YY1: variants seen among roughly 807,000 people sequenced by gnomAD.
YY1 encodes YY1 transcription factor.
Under a neutral mutation model 35.6 loss-of-function variants are expected in YY1, and 2 were observed. The observed-to-expected ratio is 0.06, with a 90% CI of 0.02 to 0.18. The LOEUF (loss-of-function observed/expected upper bound fraction) is 0.18. Ranked by LOEUF, YY1 falls within the 10% of genes least tolerant of loss-of-function variation. The pLI is 1.00. For missense variants in YY1, 322 were observed against 573.4 expected, an observed-to-expected ratio of 0.56 and a Z score of 4.48; for synonymous variants, 268 against 238.9, an observed-to-expected ratio of 1.12 and a Z score of -1.12.
At chr14:100,240,121 G>C (rs966002795) in intron 1 of YY1, among the ~76,000 whole-genome samples, 198 bp downstream of exon 1, 4 of 146,256 alleles carry the variant, frequency 2.7e-5, no homozygotes, top group Admixed American at 2.0e-4. Flanking sequence ...GGCCGCGGGG[G>C]GGAGGGGCCG....
In YY1 at chr14:100,277,041, A is replaced by G; in HGVS notation, c.1063-377A>G. On this transcript the variant is annotated intron_variant, in intron 4 of 4. Transcript: ENST00000262238. This position sits in a 1 kb window ranked among gnomAD's most constrained non-coding sequence, Gnocchi z 5.6. Reference sequence around the variant, plus strand: ...GTAAGTATAGGTAATACTTTAGCCCATAAATAAGTGAAAGAACTAGCAGTG... The same window carrying G: ...GTAAGTATAGGTAATACTTTAGCCCGTAAATAAGTGAAAGAACTAGCAGTG... The G allele has an allele frequency of 2.4e-6, 1 of 413,972 alleles. No homozygotes were observed. The highest frequency in any genetic ancestry group is 4.5e-6 in the Non-Finnish European group (1 of 224,360). The allele number at this position is 413,972 out of a possible 1,614,324, so 25.6% of individuals were successfully genotyped here. A position where few individuals can be genotyped will look rare whatever the true frequency, so the allele number is the denominator to read the frequency against.
chr14:100,249,340 T>G (rs1348132749), intron 1 of YY1, among the ~76,000 whole-genome samples: 1 of 151,840 alleles, frequency 6.6e-6, no homozygotes, highest in Non-Finnish European at 1.5e-5. Flanking sequence ...AGGCTGGTCT[T>G]GAACTCCTGA....
At position 100,262,352 on chromosome 14, in the gene YY1, T is replaced by C. The variant is rs1388728040; in HGVS notation, c.728T>C (p.Ile243Thr). 3.1e-6 allele frequency: 5 copies of C among 1,614,072 alleles called. No homozygotes were observed. Among genetic ancestry groups the C allele is most frequent in the East Asian group, 2.2e-5 (1 of 44,884 alleles). ...GAGACAGTGGTTGAAGAACAGATCA[T>C]TGGAGAGAACTCACCTCCTGATTAT... The part of the protein sequence containing the change: ...DHETVVEEQI[I>T]GENSPPDYSE... Residue 243 changes from isoleucine (I) to threonine (T), a missense_variant, in exon 2 of 5, where the codon ATT becomes ACT. Ile to Thr is a moderately conservative substitution (Grantham distance 89). Coordinates refer to ENST00000262238, the MANE Select transcript of YY1 (RefSeq NM_003403.5).
intron 1 of YY1, among the ~76,000 whole-genome samples, chr14:100,255,997 C>A (rs1891000351): frequency 6.6e-6 from 1 of 152,134 alleles, no homozygotes; most frequent in Non-Finnish European, 1.5e-5. Flanking sequence ...CTGAGTCAGG[C>A]ATGGTATTGT....
At chr14:100,241,978 A>AGGGGG (rs5810986) in intron 1 of YY1, among the ~76,000 whole-genome samples, 7 of 87,886 alleles carry the variant, frequency 8.0e-5, no homozygotes, top group African/African-American at 1.3e-4. Context: ...CTGTCTCAAA[A>AGGGGG]GGGGGGGGGG....
intron 1 of YY1, among the ~76,000 whole-genome samples, chr14:100,241,324 G>A (rs561739646): frequency 6.6e-6 from 1 of 152,294 alleles, no homozygotes; most frequent in African/African-American, 2.4e-5. Context: ...TGACCTTTGA[G>A]TATTAAAAGA....
At chr14:100,259,962 A>G (rs535093722) in intron 1 of YY1, among the ~76,000 whole-genome samples, 1 of 152,368 alleles carries the variant, frequency 6.6e-6, no homozygotes, top group African/African-American at 2.4e-5. Flanking sequence ...TATCCTTTGC[A>G]GTATCACTAG....
intron 2 of YY1, among the ~76,000 whole-genome samples, chr14:100,267,649 G>A (rs897811215): frequency 1.3e-5 from 2 of 151,776 alleles, no homozygotes; most frequent in Non-Finnish European, 1.5e-5. Flanking sequence ...TCAGCCTTCC[G>A]AGTAGCTGGG....
intron 2 of YY1, among the ~76,000 whole-genome samples, chr14:100,271,507 G>C (rs1218902738): frequency 2.0e-5 from 3 of 152,182 alleles, no homozygotes; most frequent in Non-Finnish European, 4.4e-5. Flanking sequence ...ATTACAGGTT[G>C]AGCATCCTTT....
Position 100,262,281 on chromosome 14 carries a change from G to A in YY1, c.680-23G>A, listed in dbSNP as rs188019878. The A allele has an allele frequency of 1.8e-3, 2,891 of 1,612,556 alleles. 1 individual carries two copies. Among genetic ancestry groups the A allele is most frequent in the Non-Finnish European group, 1.9e-3 (2,190 of 1,179,742 alleles). On this transcript the variant is annotated intron_variant, in intron 1 of 4. Coordinates refer to ENST00000262238, the MANE Select transcript of YY1 (RefSeq NM_003403.5). The stretch of plus-strand genomic sequence containing the variant: ...TTTAAAATCTATTTACTCAGCTAAA[G>A]ATAATCTCATGATGTGTTTCAGATG...
At chr14:100,251,437 C>G (rs1425877084) in intron 1 of YY1, among the ~76,000 whole-genome samples, 1 of 152,244 alleles carries the variant, frequency 6.6e-6, no homozygotes, top group Non-Finnish European at 1.5e-5. Context: ...CACTGCTGGC[C>G]TCTAGAACTA....
chr14:100,265,914 T>A (rs966310502), intron 2 of YY1, among the ~76,000 whole-genome samples: 1 of 152,178 alleles, frequency 6.6e-6, no homozygotes, highest in South Asian at 2.1e-4. Context: ...CCCAAAGGGC[T>A]GGGATTACAG....
intron 1 of YY1, among the ~76,000 whole-genome samples, chr14:100,244,065 G>A (rs778188025): frequency 6.7e-6 from 1 of 149,172 alleles, no homozygotes; most frequent in Non-Finnish European, 1.5e-5. Flanking sequence ...CCGAGATAGC[G>A]CCACTGCACT....
chr14:100,271,267 A>T (rs151187599), intron 2 of YY1, among the ~76,000 whole-genome samples: 5,148 of 152,264 alleles, frequency 0.034, 134 homozygotes, highest in Non-Finnish European at 0.051. Flanking sequence ...TAAATTAATT[A>T]AATTAAATTA....
intron 1 of YY1, among the ~76,000 whole-genome samples, chr14:100,251,515 A>G (rs960775154): frequency 6.6e-6 from 1 of 152,232 alleles, no homozygotes; most frequent in Admixed American, 6.5e-5. Flanking sequence ...GGTAATAGGA[A>G]ACTAATACAT....
At chr14:100,262,590 C>G in intron 2 of YY1, 124 bp downstream of exon 2, 5 of 1,051,154 alleles carry the variant, frequency 4.8e-6, no homozygotes, top group Non-Finnish European at 7.1e-6. Flanking sequence ...TTCCTGAAAA[C>G]AAAAGCAGTC....
intron 2 of YY1, among the ~76,000 whole-genome samples, chr14:100,267,988 G>C (rs903669206): frequency 6.6e-6 from 1 of 152,212 alleles, no homozygotes. Context: ...CTCAGGAATT[G>C]ATGCCCGGGA....
At chr14:100,267,704 A>G (rs1891175628) in intron 2 of YY1, among the ~76,000 whole-genome samples, 1 of 151,966 alleles carries the variant, frequency 6.6e-6, no homozygotes, top group Non-Finnish European at 1.5e-5. Flanking sequence ...TTGTATTTTT[A>G]GTAGAGACAG....
chr14:100,259,608 A>G (rs999355851), intron 1 of YY1, among the ~76,000 whole-genome samples: 1 of 152,188 alleles, frequency 6.6e-6, no homozygotes, highest in African/African-American at 2.4e-5. Context: ...AAGAAAAGGT[A>G]GGAATCAAGA....
Sources: allele counts gnomAD v4.1 joint callset (sites outside exome capture counted in the v4.1 genomes callset), GRCh38; gene constraint gnomAD v4.1.1; non-coding constraint Gnocchi (gnomAD v3.1); transcripts MANE v1.5; gene names NCBI Gene and HGNC (gene_info 2026-07-23, HGNC 2026-07-21).